Variants in AGAP1 observed in about 807,000 individuals in gnomAD.
AGAP1 encodes the protein ArfGAP with GTPase domain, ankyrin repeat and PH domain 1.
AGAP1 carries 29 observed loss-of-function variants against 105.3 expected under a neutral mutation model. The ratio of observed to expected loss-of-function variants is 0.28; its 90% CI spans 0.21 to 0.38. The LOEUF (loss-of-function observed/expected upper bound fraction) is 0.38. AGAP1 is among the 10% of genes least tolerant of loss of function. The probability of loss-of-function intolerance (pLI) is 1.00; values close to 1 mark genes in which losing one functional copy is unlikely to be tolerated. For missense variants in AGAP1, 998 were observed against 1,165.1 expected, an observed-to-expected ratio of 0.86 and a Z score of 2.09; for synonymous variants, 509 against 485.9, an observed-to-expected ratio of 1.05 and a Z score of -0.63.
intron 1 of AGAP1, among the ~76,000 whole-genome samples, chr2:235,602,544 C>G (rs1365725624): frequency 6.6e-6 from 1 of 152,190 alleles, no homozygotes; most frequent in Non-Finnish European, 1.5e-5. Flanking sequence ...GCCGTGCCCT[C>G]TGCCTGAGTG....
chr2:236,107,828 C>T (rs1012393332), intron 16 of AGAP1, among the ~76,000 whole-genome samples: 8 of 152,214 alleles, frequency 5.3e-5, no homozygotes, highest in African/African-American at 9.6e-5. Flanking sequence ...CCCATACCTG[C>T]GGCCGGGCAC....
At chr2:235,630,907 G>A (rs1946808360) in intron 1 of AGAP1, among the ~76,000 whole-genome samples, 2 of 152,204 alleles carry the variant, frequency 1.3e-5, no homozygotes, top group Admixed American at 6.5e-5. Context: ...CATAATGTAT[G>A]AACACGAGTG....
Position 235,777,487 on chromosome 2 carries a change from C to T in AGAP1, c.674-20272C>T, listed in dbSNP as rs919131771. ...CACCTGCCTCCTCGTTATCAGCAGGCAGCCTTGCGTCTGCCTCTGGGAGCA... is the reference window on the plus strand; with the variant it reads ...CACCTGCCTCCTCGTTATCAGCAGGTAGCCTTGCGTCTGCCTCTGGGAGCA... On this transcript the variant is annotated intron_variant, in intron 6 of 17. Transcript: ENST00000304032. This position sits in a 1 kb window ranked among gnomAD's most constrained non-coding sequence, Gnocchi z 5.1. Among the ~76,000 whole-genome samples, 1 of 152,258 alleles carries T rather than the reference C, an allele frequency of 6.6e-6. No individual in the cohort carries two copies. Among genetic ancestry groups the T allele is most frequent in the African/African-American group, 2.4e-5 (1 of 41,472 alleles).
rs568476303 is a variant in AGAP1 at position 235,951,532 on chromosome 2, T to C, written c.1484-16930T>C. Among the ~76,000 whole-genome samples the C allele has an allele frequency of 6.6e-6, 1 of 152,298 alleles. No individual in the cohort carries two copies. The highest frequency in any genetic ancestry group is 2.1e-4 in the South Asian group (1 of 4,822). Reference sequence around the variant, plus strand: ...TTTTTGGAATGATTGCAGGGTTGGTTTAAGATTGCCATGACCACATATTAA... The same window carrying C: ...TTTTTGGAATGATTGCAGGGTTGGTCTAAGATTGCCATGACCACATATTAA... On this transcript the variant is annotated intron_variant, in intron 12 of 17. Transcript: ENST00000304032. The surrounding 1 kb of genome is among the most constrained non-coding windows in gnomAD (Gnocchi z 4.2).
Position 235,495,184 on chromosome 2 carries a change from G to T in AGAP1, c.163+335G>T, listed in dbSNP as rs527279232. ...ACGCCTGGGGGCAGCCGGCGGGGTCGGCGCCACCCGACCCCTGACAGGTTA... is the reference window on the plus strand; with the variant it reads ...ACGCCTGGGGGCAGCCGGCGGGGTCTGCGCCACCCGACCCCTGACAGGTTA... On this transcript the variant is annotated intron_variant, in intron 1 of 17. Transcript: ENST00000304032. Among the ~76,000 whole-genome samples, 12 of 152,262 alleles carry T rather than the reference G, an allele frequency of 7.9e-5. No homozygotes were observed. In the East Asian group the frequency reaches 2.1e-3, roughly 27 times the overall value.
rs114580658 is a variant in AGAP1 at position 236,090,294 on chromosome 2, C to G, written c.2115-29898C>G. Among the ~76,000 whole-genome samples the G allele has an allele frequency of 0.016, 2,413 of 152,270 alleles. 56 individuals are homozygous for G. Among genetic ancestry groups the G allele is most frequent in the African/African-American group, 0.052 (2,172 of 41,534 alleles). Reference sequence around the variant, plus strand: ...GGCGTACCATGCAAAGAGGACATAGCCACCCTCTTATTTCAAGAGCATGAT... The same window carrying G: ...GGCGTACCATGCAAAGAGGACATAGGCACCCTCTTATTTCAAGAGCATGAT... On this transcript the variant is annotated intron_variant, in intron 16 of 17. Transcript: ENST00000304032. This position sits in a 1 kb window ranked among gnomAD's most constrained non-coding sequence, Gnocchi z 4.3.
rs1395595111 is a variant in AGAP1 at position 235,888,966 on chromosome 2, C to T, written c.1155+5517C>T. The stretch of plus-strand genomic sequence containing the variant: ...ACTCTGGGTGAGGGTTTTTCAATGT[C>T]TTCATTAGATGCCCTTAGGAAAAGA... On this transcript the variant is annotated intron_variant, in intron 10 of 17. Coordinates refer to ENST00000304032, the MANE Select transcript of AGAP1 (RefSeq NM_001037131.3). The surrounding 1 kb of genome is among the most constrained non-coding windows in gnomAD (Gnocchi z 4.8). Among the ~76,000 whole-genome samples the T allele has an allele frequency of 1.3e-5, 2 of 152,170 alleles. No individual in the cohort carries two copies. The highest frequency in any genetic ancestry group is 2.4e-5 in the African/African-American group (1 of 41,448).
At position 235,927,088 on chromosome 2, in the gene AGAP1, G is replaced by A. The variant is rs184841242; in HGVS notation, c.1325-3677G>A. Among the ~76,000 whole-genome samples, 1 of 152,230 alleles carries A rather than the reference G, an allele frequency of 6.6e-6. No homozygotes were observed. Among genetic ancestry groups the A allele is most frequent in the African/African-American group, 2.4e-5 (1 of 41,462 alleles). ...TTCACCTTTATCACGGTTTGTCCAT[G>A]TATACACCTTGATGTGGCCCAAATT... is the stretch of plus-strand genomic sequence containing the variant. On this transcript the variant is annotated intron_variant, in intron 11 of 17. Coordinates refer to ENST00000304032, the MANE Select transcript of AGAP1 (RefSeq NM_001037131.3). This position sits in a 1 kb window ranked among gnomAD's most constrained non-coding sequence, Gnocchi z 4.4.
At chr2:235,562,467 G>C (rs991715872) in intron 1 of AGAP1, among the ~76,000 whole-genome samples, 2 of 152,092 alleles carry the variant, frequency 1.3e-5, no homozygotes, top group African/African-American at 2.4e-5. Flanking sequence ...TCTGAGCATG[G>C]TGTGTGAGAC....
Position 236,027,500 on chromosome 2 carries a change from A to G in AGAP1, c.1646-9061A>G, listed in dbSNP as rs114776105. Among the ~76,000 whole-genome samples, 1,531 of 152,166 alleles carry G rather than the reference A, an allele frequency of 0.01. 19 individuals carry two copies. Among genetic ancestry groups the G allele is most frequent in the African/African-American group, 0.035 (1,444 of 41,508 alleles). On this transcript the variant is annotated intron_variant, in intron 13 of 17. Coordinates refer to ENST00000304032, the MANE Select transcript of AGAP1 (RefSeq NM_001037131.3). This position sits in a 1 kb window ranked among gnomAD's most constrained non-coding sequence, Gnocchi z 4.4. ...CTCTGCGCTGAGCATGTAGGGTTCC[A>G]TCTCCCGCCTCTGCCCTGCCTCCCC...
At chr2:235,807,413 C>T in intron 9 of AGAP1, 82 bp downstream of exon 9, 3 of 1,267,454 alleles carry the variant, frequency 2.4e-6, no homozygotes, top group Non-Finnish European at 3.3e-6. Flanking sequence ...GCTCTCGCAC[C>T]AAGGTCTGTC....
At chr2:235,529,222 T>C (rs1302646217) in intron 1 of AGAP1, among the ~76,000 whole-genome samples, 1 of 152,220 alleles carries the variant, frequency 6.6e-6, no homozygotes, top group Non-Finnish European at 1.5e-5. Flanking sequence ...TGGTGGAAAG[T>C]TGATCTCAGT....
chr2:236,018,997 C>G (rs2056801176), intron 13 of AGAP1, among the ~76,000 whole-genome samples: 1 of 152,210 alleles, frequency 6.6e-6, no homozygotes, highest in South Asian at 2.1e-4. Flanking sequence ...CAGTCAGACC[C>G]GCACCTGCCT....
At chr2:235,546,188 T>A (rs2149105427) in intron 1 of AGAP1, among the ~76,000 whole-genome samples, 1 of 152,316 alleles carries the variant, frequency 6.6e-6, no homozygotes, top group Non-Finnish European at 1.5e-5. Flanking sequence ...ATTCAGTTGA[T>A]TTCTTATTTT....
At position 235,897,240 on chromosome 2, in the gene AGAP1, A is replaced by G. The variant is rs141172121; in HGVS notation, c.1156-11498A>G. On this transcript the variant is annotated intron_variant, in intron 10 of 17. Coordinates refer to ENST00000304032, the MANE Select transcript of AGAP1 (RefSeq NM_001037131.3). ...TTGTTGGTAGGGACAGGGTTTTGCT[A>G]TGTTGGCCAGGCTGGTCTCAAATTC... is the stretch of plus-strand genomic sequence containing the variant. Among the ~76,000 whole-genome samples the G allele has an allele frequency of 4.8e-4, 73 of 152,170 alleles. 1 individual carries two copies. The highest frequency in any genetic ancestry group is 1.6e-3 in the African/African-American group (67 of 41,514).
rs1224924585 is a variant in AGAP1 at position 236,051,737 on chromosome 2, G to A, written c.2114+2456G>A. On this transcript the variant is annotated intron_variant, in intron 16 of 17. Coordinates refer to ENST00000304032, the MANE Select transcript of AGAP1 (RefSeq NM_001037131.3). The surrounding 1 kb of genome is among the most constrained non-coding windows in gnomAD (Gnocchi z 5.9). The stretch of plus-strand genomic sequence containing the variant: ...GAGGGGAAGGGTTTGTCTATTCATG[G>A]GTTCTGTCTGTCCCACCTGTTCCCA... 6.6e-6 allele frequency among the ~76,000 whole-genome samples: 1 copy of A among 152,154 alleles called. No individual in the cohort carries two copies. The highest frequency in any genetic ancestry group is 2.4e-5 in the African/African-American group (1 of 41,442).
rs1166091900 is a variant in AGAP1, at chr2:235,557,697, G to A, written c.163+62848G>A. Among the ~76,000 whole-genome samples the A allele has an allele frequency of 1.3e-5, 2 of 152,142 alleles. No individual in the cohort carries two copies. Among genetic ancestry groups the A allele is most frequent in the Non-Finnish European group, 2.9e-5 (2 of 68,030 alleles). On this transcript the variant is annotated intron_variant, in intron 1 of 17. Transcript: ENST00000304032. The surrounding 1 kb of genome is among the most constrained non-coding windows in gnomAD (Gnocchi z 4.7). ...ACAGAGGGTCGAGGAACTTGCTGTG[G>A]TACACCCAGACAGCCTGACCCCAGA...
intron 13 of AGAP1, among the ~76,000 whole-genome samples, chr2:236,024,010 T>A (rs888218201): frequency 1.3e-5 from 2 of 148,198 alleles, no homozygotes; most frequent in African/African-American, 5.0e-5. Context: ...ATCAGTAGTT[T>A]GTGGTTGGTT....
intron 1 of AGAP1, among the ~76,000 whole-genome samples, chr2:235,516,613 C>T (rs1052072821): frequency 1.3e-5 from 2 of 152,196 alleles, no homozygotes; most frequent in African/African-American, 2.4e-5. Context: ...GGCCAGCCTC[C>T]GTTCTCTGGG....
Sources: gnomAD v4.1 joint callset for allele counts (sites outside exome capture counted in the v4.1 genomes callset) on GRCh38, gnomAD v4.1.1 for gene constraint, Gnocchi (gnomAD v3.1) non-coding constraint, MANE v1.5 for transcripts, NCBI Gene and HGNC (gene_info 2026-07-23, HGNC 2026-07-21) for gene names.